Variants in LRRC74A observed in about 807,000 individuals in gnomAD.
LRRC74A encodes leucine-rich repeat-containing protein 74A.
LRRC74A carries 44 observed loss-of-function variants against 57.9 expected under a neutral mutation model. That is an observed-to-expected ratio of 0.76 (90% CI 0.60 to 0.98). LRRC74A has a LOEUF of 0.98. Among genes scored for constraint, LRRC74A ranks in the 50% least tolerant of loss-of-function variants. The probability of loss-of-function intolerance (pLI) is 0.00; values close to 1 mark genes in which losing one functional copy is unlikely to be tolerated. For missense variants in LRRC74A, 572 were observed against 574.0 expected, an observed-to-expected ratio of 1.00 and a Z score of 0.04; for synonymous variants, 211 against 219.4, an observed-to-expected ratio of 0.96 and a Z score of 0.34.
At chr14:76,866,925 T>TGTG (rs1288840158) in intron 12 of LRRC74A, among the ~76,000 whole-genome samples, 1 of 81,574 alleles carries the variant, frequency 1.2e-5, no homozygotes, top group African/African-American at 5.0e-5. Context: ...GGTGTGTGTG[T>TGTG]TGGGGGGGGT....
intron 8 of LRRC74A, 82 bp downstream of exon 8, chr14:76,852,532 C>T: frequency 2.9e-6 from 3 of 1,052,498 alleles, no homozygotes; most frequent in Admixed American, 2.4e-5. Flanking sequence ...AAGCCTCTTC[C>T]TCATGGTCAC....
At chr14:76,847,752 T>C (rs1428940618) in intron 7 of LRRC74A, among the ~76,000 whole-genome samples, 3 of 150,894 alleles carry the variant, frequency 2.0e-5, no homozygotes, top group Admixed American at 1.3e-4. Context: ...TGGAGGAGGT[T>C]GAGTTGAAAA....
rs570387092 is a variant in LRRC74A at position 76,850,252 on chromosome 14, C to T, written c.677-2113C>T. 1.8e-4 allele frequency among the ~76,000 whole-genome samples: 28 copies of T among 152,190 alleles called. No individual in the cohort carries two copies. In the South Asian group the frequency reaches 4.4e-3, roughly 24 times the overall value. On this transcript the variant is annotated intron_variant, in intron 7 of 13. Coordinates refer to ENST00000689127, the MANE Select transcript of LRRC74A (RefSeq NM_001385106.1). ...ACTCTATACAGGTTGATATCTCCAT[C>T]GTACAGATAAGGAAACAGATGTAAA... is the stretch of plus-strand genomic sequence containing the variant.
chr14:76,855,847 C>T (rs1260268433), intron 9 of LRRC74A, among the ~76,000 whole-genome samples: 1 of 152,222 alleles, frequency 6.6e-6, no homozygotes, highest in East Asian at 1.9e-4. Flanking sequence ...TCATTGACAG[C>T]ATACTGCATA....
intron 5 of LRRC74A, among the ~76,000 whole-genome samples, chr14:76,841,913 T>A (rs1179300742): frequency 1.3e-5 from 2 of 152,046 alleles, no homozygotes; most frequent in Non-Finnish European, 2.9e-5. Context: ...GGTTTCTCCA[T>A]GTTGGTCAGG....
intron 7 of LRRC74A, among the ~76,000 whole-genome samples, chr14:76,846,046 C>T (rs1221120588): frequency 6.6e-6 from 1 of 152,132 alleles, no homozygotes; most frequent in Non-Finnish European, 1.5e-5. Context: ...AGGCAACAGA[C>T]AGGGAGTAGA....
chr14:76,849,685 C>A (rs1409499212), intron 7 of LRRC74A, among the ~76,000 whole-genome samples: 3 of 150,886 alleles, frequency 2.0e-5, no homozygotes, highest in Non-Finnish European at 4.4e-5. Context: ...GGTGTATAAT[C>A]CCAGCTACTC....
intron 7 of LRRC74A, among the ~76,000 whole-genome samples, chr14:76,848,792 G>C (rs548699437): frequency 7.9e-5 from 12 of 152,288 alleles, no homozygotes; most frequent in African/African-American, 2.9e-4. Flanking sequence ...CCATGAGAAG[G>C]CTGCAGGCAA....
intron 2 of LRRC74A, 39 bp from the exon 3 acceptor site, chr14:76,831,164 T>C (rs1263348670): frequency 2.2e-5 from 36 of 1,606,160 alleles, no homozygotes; most frequent in Non-Finnish European, 2.9e-5. Context: ...AAGGCAAAGG[T>C]GGAAGAGAAA....
At chr14:76,869,716 C>T (rs1037380699) in intron 13 of LRRC74A, among the ~76,000 whole-genome samples, 5 of 149,256 alleles carry the variant, frequency 3.3e-5, no homozygotes, top group Admixed American at 6.7e-5. Context: ...GAGCTGAGAT[C>T]GCACCATTGC....
At chr14:76,840,267 A>AC (rs1254227116) in intron 5 of LRRC74A, among the ~76,000 whole-genome samples, 2 of 152,108 alleles carry the variant, frequency 1.3e-5, no homozygotes, top group African/African-American at 4.8e-5. Flanking sequence ...ACATAGCAAG[A>AC]CCCCATCTAT....
rs1055109615 is a variant in LRRC74A, at chr14:76,854,070, C to T, written c.957+660C>T. Among the ~76,000 whole-genome samples, 17 of 152,144 alleles carry T rather than the reference C, an allele frequency of 1.1e-4. No individual in the cohort carries two copies. The South Asian group carries it at 1.5e-3, about 13-fold the overall frequency. ...AGTGCCCCTCCAGCCTCAGTCCACCCGGTGCTCTCCCTTGCTCTGCACCCA... is the reference window on the plus strand; with the variant it reads ...AGTGCCCCTCCAGCCTCAGTCCACCTGGTGCTCTCCCTTGCTCTGCACCCA... On this transcript the variant is annotated intron_variant, in intron 9 of 13. Transcript: ENST00000689127.
chr14:76,869,849 C>G (rs1899302876), intron 13 of LRRC74A, among the ~76,000 whole-genome samples: 1 of 152,082 alleles, frequency 6.6e-6, no homozygotes, highest in Non-Finnish European at 1.5e-5. Context: ...TATCTCCCTC[C>G]ATAGTTTACT....
intron 2 of LRRC74A, 60 bp from the exon 3 acceptor site, chr14:76,831,143 A>G: frequency 6.5e-7 from 1 of 1,533,920 alleles, no homozygotes; most frequent in Non-Finnish European, 9.0e-7. Flanking sequence ...CACTGGGGCT[A>G]GAGGGGAGAG....
intron 9 of LRRC74A, 29 bp downstream of exon 9, chr14:76,853,439 GTGT>G: frequency 7.3e-7 from 1 of 1,365,526 alleles, no homozygotes. Flanking sequence ...GGGTGTGTGT[GTGT>G]GTGTGTGTGT....
chr14:76,857,450 C>G lies in LRRC74A; in HGVS notation c.1028C>G (p.Ser343Cys). 6.3e-7 allele frequency: 1 copy of G among 1,583,606 alleles called. No individual in the cohort carries two copies. ...CTGGCTATCAAGAGGAACCCCAAATCCAGGATGGAAGAGCTTGATATTTCC... is the reference window on the plus strand; with the variant it reads ...CTGGCTATCAAGAGGAACCCCAAATGCAGGATGGAAGAGCTTGATATTTCC... Reference protein sequence around the residue: ...LILAIKRNPKSRMEELDISNV... With the variant: ...LILAIKRNPKCRMEELDISNV... The change falls in exon 10 of 14, where the codon TCC (serine) becomes TGC (cysteine). Residue 343 changes from serine to cysteine, a missense_variant. Transcript: ENST00000689127.
chr14:76,852,866 C>G (rs1395112554), intron 8 of LRRC74A, among the ~76,000 whole-genome samples: 1 of 152,164 alleles, frequency 6.6e-6, no homozygotes, highest in Non-Finnish European at 1.5e-5. Flanking sequence ...ATCCACCCAC[C>G]TCAGCCTCCT....
At chr14:76,826,925 A>G (rs1418942670) in intron 1 of LRRC74A, among the ~76,000 whole-genome samples, 191 bp downstream of exon 1, 1 of 152,234 alleles carries the variant, frequency 6.6e-6, no homozygotes. Flanking sequence ...CTATGCCACA[A>G]CTACCTCATA....
chr14:76,840,732 C>T (rs886202511), intron 5 of LRRC74A, among the ~76,000 whole-genome samples: 2 of 151,314 alleles, frequency 1.3e-5, no homozygotes, highest in Non-Finnish European at 2.9e-5. Flanking sequence ...TACAGGCGCC[C>T]GCCACCTCGC....
Sources: allele counts gnomAD v4.1 joint callset (sites outside exome capture counted in the v4.1 genomes callset), GRCh38; gene constraint gnomAD v4.1.1; transcripts MANE v1.5; gene names NCBI Gene and HGNC (gene_info 2026-07-23, HGNC 2026-07-21).